The following CTNNA2 variants were observed in gnomAD, a reference collection of about 807,000 sequenced individuals.
CTNNA2 encodes catenin alpha-2.
A neutral mutation model predicts 101.0 loss-of-function variants in CTNNA2; 42 were observed. That is an observed-to-expected ratio of 0.42 (90% CI 0.32 to 0.54). The LOEUF (loss-of-function observed/expected upper bound fraction) is 0.54, where lower values mean the gene tolerates loss of function less well. Ranked by LOEUF, CTNNA2 falls within the 20% of genes least tolerant of loss-of-function variation. The pLI, the probability that CTNNA2 is intolerant of heterozygous loss-of-function variation, is 0.14. For missense variants in CTNNA2, 871 were observed against 1,223.1 expected (o/e 0.71, Z 4.29); for synonymous variants, 450 against 456.4 (o/e 0.99, Z 0.18).
chr2:79,295,285 G>A (rs1250728963), intron 2 of CTNNA2, among the ~76,000 whole-genome samples: 1 of 152,038 alleles, frequency 6.6e-6, no homozygotes, highest in Non-Finnish European at 1.5e-5. Flanking sequence ...GTTCTGCAAA[G>A]CCACTTACTC....
chr2:80,221,751 A>C (rs1353908989), intron 7 of CTNNA2, among the ~76,000 whole-genome samples: 3 of 152,238 alleles, frequency 2.0e-5, no homozygotes, highest in East Asian at 3.9e-4. Context: ...CTGCCTGAGC[A>C]ATCAAAAAGA....
rs558014668 is a variant in CTNNA2 at position 80,443,673 on chromosome 2, C to T, written c.1290+24072C>T. Among the ~76,000 whole-genome samples, 5 of 152,288 alleles carry T rather than the reference C, an allele frequency of 3.3e-5. No individual in the cohort carries two copies. The East Asian group carries it at 7.7e-4, about 24-fold the overall frequency. ...TTAGCAGTGAAACCTTGAGAGAATC[C>T]TATACCTCTCATCAATTTTTCTCAT... On this transcript the variant is annotated intron_variant, in intron 9 of 18. Coordinates refer to ENST00000402739, the MANE Select transcript of CTNNA2 (RefSeq NM_001282597.3).
At chr2:79,673,906 C>T (rs1024872917) in intron 2 of CTNNA2, among the ~76,000 whole-genome samples, 3 of 152,178 alleles carry the variant, frequency 2.0e-5, no homozygotes, top group Non-Finnish European at 4.4e-5. Flanking sequence ...TATATTCTTT[C>T]CTGTGACCCC....
intron 2 of CTNNA2, among the ~76,000 whole-genome samples, chr2:79,204,603 C>T (rs1047222703): frequency 1.3e-5 from 2 of 152,160 alleles, no homozygotes; most frequent in Admixed American, 1.3e-4. Context: ...TGTTAGTCCT[C>T]TTTGTGCTGT....
At chr2:79,973,481 G>A (rs948963662) in intron 7 of CTNNA2, among the ~76,000 whole-genome samples, 10 of 152,172 alleles carry the variant, frequency 6.6e-5, no homozygotes, top group Admixed American at 5.2e-4. Flanking sequence ...TAAGTTGCCT[G>A]AAGCCAGAAA....
chr2:79,987,184 G>A (rs182268366), intron 7 of CTNNA2, among the ~76,000 whole-genome samples: 6 of 152,322 alleles, frequency 3.9e-5, no homozygotes, highest in East Asian at 3.9e-4. Flanking sequence ...CAGCCAGGGC[G>A]TCAGCCTGTG....
chr2:80,194,173 GT>G (rs1706691857), intron 7 of CTNNA2, among the ~76,000 whole-genome samples: 1 of 152,122 alleles, frequency 6.6e-6, no homozygotes, highest in Admixed American at 6.6e-5. Context: ...CTTTGTAGCT[GT>G]ATTTACTACT....
intron 9 of CTNNA2, among the ~76,000 whole-genome samples, chr2:80,423,698 T>A (rs1680732284): frequency 6.6e-6 from 1 of 151,996 alleles, no homozygotes. Flanking sequence ...TTATTGCTCA[T>A]GTAATGGGAC....
chr2:80,373,683 A>G (rs1398300394), intron 7 of CTNNA2, among the ~76,000 whole-genome samples: 1 of 152,192 alleles, frequency 6.6e-6, no homozygotes, highest in Non-Finnish European at 1.5e-5. Flanking sequence ...AATTTCTAAT[A>G]AGAGATGTAA....
chr2:79,910,361 T>TTTCAA (rs1685701776), intron 7 of CTNNA2, among the ~76,000 whole-genome samples: 1 of 152,236 alleles, frequency 6.6e-6, no homozygotes, highest in Admixed American at 6.5e-5. Context: ...AATAGGTATG[T>TTTCAA]ATGACTGGTA....
chr2:79,344,963 A>G (rs757511028), intron 3 of CTNNA2, among the ~76,000 whole-genome samples: 13 of 150,032 alleles, frequency 8.7e-5, no homozygotes, highest in Non-Finnish European at 1.6e-4. Context: ...TGGGAGGTAT[A>G]CACTAAGTGT....
At chr2:80,283,264 C>T (rs1200246116) in intron 7 of CTNNA2, among the ~76,000 whole-genome samples, 2 of 151,932 alleles carry the variant, frequency 1.3e-5, no homozygotes, top group African/African-American at 4.8e-5. Flanking sequence ...AACTAAAGGT[C>T]AGGGTGCAGG....
chr2:80,338,744 T>A (rs1671974825), intron 7 of CTNNA2, among the ~76,000 whole-genome samples: 1 of 152,080 alleles, frequency 6.6e-6, no homozygotes, highest in Non-Finnish European at 1.5e-5. Context: ...CAGAAGAAAG[T>A]GAATGGTGCC....
intron 7 of CTNNA2, among the ~76,000 whole-genome samples, chr2:80,005,848 G>T (rs764169822): frequency 6.6e-6 from 1 of 151,468 alleles, no homozygotes; most frequent in Non-Finnish European, 1.5e-5. Context: ...TAATTCAGGT[G>T]GTGGAACATC....
chr2:80,566,772 A>G (rs1436635460), intron 12 of CTNNA2, among the ~76,000 whole-genome samples: 1 of 152,222 alleles, frequency 6.6e-6, no homozygotes, highest in Non-Finnish European at 1.5e-5. Context: ...TGGTACATAG[A>G]CAAAGCTGGT....
chr2:79,443,310 G>A (rs976758992), intron 4 of CTNNA2, among the ~76,000 whole-genome samples: 1 of 152,000 alleles, frequency 6.6e-6, no homozygotes, highest in Non-Finnish European at 1.5e-5. Context: ...CAAGTCCCAC[G>A]ACCCAAGAAC....
chr2:80,077,411 G>A (rs1698829544), intron 7 of CTNNA2, among the ~76,000 whole-genome samples: 1 of 152,024 alleles, frequency 6.6e-6, no homozygotes, highest in African/African-American at 2.4e-5. Context: ...AAATTATAGT[G>A]TATTCACAAG....
At chr2:80,197,902 T>C (rs1706935937) in intron 7 of CTNNA2, among the ~76,000 whole-genome samples, 1 of 152,190 alleles carries the variant, frequency 6.6e-6, no homozygotes, top group South Asian at 2.1e-4. Context: ...AATTATTTGG[T>C]CTAGAGCTTG....
At chr2:80,209,951 C>T (rs1384918303) in intron 7 of CTNNA2, among the ~76,000 whole-genome samples, 1 of 152,156 alleles carries the variant, frequency 6.6e-6, no homozygotes, top group African/African-American at 2.4e-5. Context: ...TGAATATCTT[C>T]AGTAATCCTA....
Sources: allele counts gnomAD v4.1 joint callset (sites outside exome capture counted in the v4.1 genomes callset), GRCh38; gene constraint gnomAD v4.1.1; transcripts MANE v1.5; gene names NCBI Gene and HGNC (gene_info 2026-07-23, HGNC 2026-07-21).